Variants in FNTB observed in about 807,000 individuals in gnomAD.
The protein encoded by FNTB is farnesyltransferase, CAAX box, subunit beta, also known as protein farnesyltransferase subunit beta.
Under a neutral mutation model 59.4 loss-of-function variants are expected in FNTB, and 27 were observed. The ratio of observed to expected loss-of-function variants is 0.45; its 90% CI spans 0.34 to 0.63. The LOEUF (loss-of-function observed/expected upper bound fraction) is 0.63, where lower values mean the gene tolerates loss of function less well. Among genes scored for constraint, FNTB ranks in the 20% least tolerant of loss-of-function variants. FNTB has a pLI of 0.02. For missense variants in FNTB, 449 were observed against 559.6 expected, an observed-to-expected ratio of 0.80 and a Z score of 1.99; for synonymous variants, 230 against 220.7, an observed-to-expected ratio of 1.04 and a Z score of -0.37.
At position 65,033,487 on chromosome 14, in the gene FNTB, T is replaced by G. The variant is rs2062125729; in HGVS notation, c.692+791T>G. 3.9e-5 allele frequency among the ~76,000 whole-genome samples: 6 copies of G among 152,372 alleles called. No individual in the cohort carries two copies. The South Asian group carries it at 1.2e-3, about 32-fold the overall frequency. ...GACCTGAAGTGTATATGGCTAATTCTAAGCTAGGTCTTAGATACGTGTATG... is the reference window on the plus strand; with the variant it reads ...GACCTGAAGTGTATATGGCTAATTCGAAGCTAGGTCTTAGATACGTGTATG... On this transcript the variant is annotated intron_variant, in intron 7 of 11. Coordinates refer to ENST00000246166, the MANE Select transcript of FNTB (RefSeq NM_002028.4).
At chr14:65,025,921 G>A (rs2061971606) in intron 4 of FNTB, among the ~76,000 whole-genome samples, 1 of 152,202 alleles carries the variant, frequency 6.6e-6, no homozygotes, top group South Asian at 2.1e-4. Context: ...AGTATGTGTT[G>A]TTTTAACCTG....
At chr14:65,017,887 G>A (rs1170112684) in intron 4 of FNTB, among the ~76,000 whole-genome samples, 4 of 152,034 alleles carry the variant, frequency 2.6e-5, no homozygotes, top group Admixed American at 1.3e-4. Context: ...CCTAGGAGGC[G>A]GAGGTTGCAG....
rs770838142 is a variant in FNTB, at chr14:65,061,247, C to T, written c.1249C>T (p.Gln417Ter). ...KVIQATTYFLQKPVPGFEELK... is the reference protein window; with the variant it reads ...KVIQATTYFL ...GATCCAGGCCACTACATACTTTCTA[C>T]AGAAGCCAGTCCCAGGTTTTGAGGA... Residue 417 changes from glutamine to a stop codon, truncating the protein, a stop_gained, in exon 12 of 12, where the codon CAG becomes TAG. Coordinates refer to ENST00000246166, the MANE Select transcript of FNTB (RefSeq NM_002028.4). LOFTEE classifies it high-confidence loss of function. The T allele has an allele frequency of 1.9e-6, 3 of 1,614,186 alleles. No individual in the cohort carries two copies. Among genetic ancestry groups the T allele is most frequent in the Admixed American group, 1.7e-5 (1 of 60,026 alleles).
Position 65,023,732 on chromosome 14 carries a change from C to G in FNTB, c.375-3721C>G, listed in dbSNP as rs1566549275. 6.6e-6 allele frequency among the ~76,000 whole-genome samples: 1 copy of G among 152,112 alleles called. No individual in the cohort carries two copies. Among genetic ancestry groups the G allele is most frequent in the Non-Finnish European group, 1.5e-5 (1 of 68,030 alleles). ...GCTAGTGGCTGCCTATTGGACAGCACAGATGTATCTCATTGCTACTCAAAA... is the reference window on the plus strand; with the variant it reads ...GCTAGTGGCTGCCTATTGGACAGCAGAGATGTATCTCATTGCTACTCAAAA... On this transcript the variant is annotated intron_variant, in intron 4 of 11. Transcript: ENST00000246166. This position sits in a 1 kb window ranked among gnomAD's most constrained non-coding sequence, Gnocchi z 4.1.
intron 4 of FNTB, among the ~76,000 whole-genome samples, chr14:65,021,078 T>C (rs11627531): frequency 0.56 from 85,723 of 151,968 alleles, 24,813 homozygotes; most frequent in African/African-American, 0.69. Context: ...TATGTGTTTA[T>C]CTAAAATGAA....
At chr14:65,043,828 C>CAAAAA (rs749243788) in intron 8 of FNTB, among the ~76,000 whole-genome samples, 999 of 64,226 alleles carry the variant, frequency 0.016, 6 homozygotes, top group Middle Eastern at 0.023. Context: ...GACTCCGTCT[C>CAAAAA]AAAAAAAAAA....
At position 65,040,883 on chromosome 14, in the gene FNTB, C is replaced by T. The variant is rs530614536; in HGVS notation, c.786C>T (p.Leu262=). 8 of 1,613,948 alleles carry T rather than the reference C, an allele frequency of 5.0e-6. No individual in the cohort carries two copies. The African/African-American group carries it at 5.3e-5, about 11-fold the overall frequency. The change falls in exon 8 of 12, where the codon CTC becomes CTT. Residue 262 remains leucine (L), a synonymous_variant. Coordinates refer to ENST00000246166, the MANE Select transcript of FNTB (RefSeq NM_002028.4). ...TFCGLAALVI[L]KRERSLNLKS... is the part of the protein sequence containing the mutation. ...GTGGCCTGGCCGCGCTGGTAATCCT[C>T]AAGAGGGAACGTTCCTTGAACTTGA...
At chr14:65,005,519 CTCTT>C (rs200018838) in intron 2 of FNTB, among the ~76,000 whole-genome samples, 11,749 of 126,012 alleles carry the variant, frequency 0.093, 751 homozygotes, top group East Asian at 0.27. Context: ...CTTTCTCTCT[CTCTT>C]TCTCTTTCTC....
chr14:64,996,932 T>C (rs2140042688), intron 1 of FNTB, among the ~76,000 whole-genome samples: 1 of 152,282 alleles, frequency 6.6e-6, no homozygotes, highest in African/African-American at 2.4e-5. Context: ...ACTTCACTTT[T>C]AATCCTTTTA....
At position 64,993,341 on chromosome 14, in the gene FNTB, A is replaced by T. The variant is rs187111966; in HGVS notation, c.144+6244A>T. ...TTTACACATGGAAGTGTGAGTTTAT[A>T]TCTCCAGGGATAATTACTAAATTTG... On this transcript the variant is annotated intron_variant, in intron 1 of 11. Coordinates refer to ENST00000246166, the MANE Select transcript of FNTB (RefSeq NM_002028.4). 3.6e-3 allele frequency among the ~76,000 whole-genome samples: 544 copies of T among 152,356 alleles called. 5 individuals carry two copies. Among genetic ancestry groups the T allele is most frequent in the African/African-American group, 0.012 (518 of 41,582 alleles).
At chr14:65,006,098 G>C (rs2061582334) in intron 2 of FNTB, 1 of 1,570,578 alleles carries the variant, frequency 6.4e-7, no homozygotes, top group Non-Finnish European at 8.6e-7. Context: ...CAGTCTCTAG[G>C]TACTTCTGCT....
Position 65,028,184 on chromosome 14 carries a change from A to C in FNTB, c.605+403A>C, listed in dbSNP as rs2062018123. On this transcript the variant is annotated intron_variant, in intron 6 of 11. Transcript: ENST00000246166. This position sits in a 1 kb window ranked among gnomAD's most constrained non-coding sequence, Gnocchi z 4.4. The stretch of plus-strand genomic sequence containing the variant: ...GAGTGAATTTGATGAAATCATGAGA[A>C]TGTCTAATCCCTGAGGTCCTCCTGA... 6.6e-6 allele frequency among the ~76,000 whole-genome samples: 1 copy of C among 152,146 alleles called. No individual in the cohort carries two copies.
chr14:65,021,185 G>C (rs1250083643), intron 4 of FNTB, among the ~76,000 whole-genome samples: 3 of 152,170 alleles, frequency 2.0e-5, no homozygotes, highest in African/African-American at 7.2e-5. Flanking sequence ...CTTTGTTACT[G>C]AAAGCAGCTT....
At chr14:65,020,199 C>T (rs978237754) in intron 4 of FNTB, among the ~76,000 whole-genome samples, 7 of 152,200 alleles carry the variant, frequency 4.6e-5, no homozygotes, top group Admixed American at 4.6e-4. Context: ...CTGCTATGAC[C>T]GCTGACCAAA....
intron 8 of FNTB, among the ~76,000 whole-genome samples, chr14:65,043,208 C>T (rs1201302981): frequency 6.6e-6 from 1 of 152,176 alleles, no homozygotes; most frequent in Non-Finnish European, 1.5e-5. Flanking sequence ...ATCTGCTCAG[C>T]CAGTTGGTTC....
chr14:64,987,365 A>G lies in FNTB; in HGVS notation c.144+268A>G. On this transcript the variant is annotated intron_variant, in intron 1 of 11. Transcript: ENST00000246166. ...CCCCTCTGCCCTAAAGAACGAGAAGAATCGTGTTCTATGCCTGGAGGACAG... is the reference window on the plus strand; with the variant it reads ...CCCCTCTGCCCTAAAGAACGAGAAGGATCGTGTTCTATGCCTGGAGGACAG... 4 of 535,762 alleles carry G rather than the reference A, an allele frequency of 7.5e-6. No homozygotes were observed. The South Asian group carries it at 8.4e-5, about 11-fold the overall frequency. The allele number at this position is 535,762 out of a possible 1,614,324, so 33.2% of individuals were successfully genotyped here.
At chr14:64,993,323 A>G (rs758470062) in intron 1 of FNTB, among the ~76,000 whole-genome samples, 3 of 152,198 alleles carry the variant, frequency 2.0e-5, no homozygotes, top group Non-Finnish European at 4.4e-5. Flanking sequence ...CAGTTTACAC[A>G]TGGAAGTGTG....
At chr14:65,003,569 A>G (rs2061542108) in intron 1 of FNTB, 1 of 152,222 alleles carries the variant, frequency 6.6e-6, no homozygotes, top group Non-Finnish European at 1.5e-5. Flanking sequence ...AAAATGAGTA[A>G]TTCTGAAAGA....
Position 65,044,699 on chromosome 14 carries a change from C to T in FNTB, c.955+256C>T, listed in dbSNP as rs769725887. 1.5e-5 allele frequency: 8 copies of T among 529,364 alleles called. No homozygotes were observed. The highest frequency in any genetic ancestry group is 4.1e-5 in the East Asian group (1 of 24,310). The allele number at this position is 529,364 out of a possible 1,614,324, so 32.8% of individuals were successfully genotyped here. On this transcript the variant is annotated intron_variant, in intron 9 of 11. Transcript: ENST00000246166. The surrounding 1 kb of genome is among the most constrained non-coding windows in gnomAD (Gnocchi z 5.5). ...GCTTCCTTGAAATTGCTACGGGGAG[C>T]GGGGAGGAAGTGGGCGCTGCTTCTG...
Sources: allele counts gnomAD v4.1 joint callset (sites outside exome capture counted in the v4.1 genomes callset), GRCh38; gene constraint gnomAD v4.1.1; non-coding constraint Gnocchi (gnomAD v3.1); transcripts MANE v1.5; gene names NCBI Gene and HGNC (gene_info 2026-07-23, HGNC 2026-07-21).